GPN2: variants seen among roughly 807,000 people sequenced by gnomAD.
The protein encoded by GPN2 is GPN-loop GTPase 2, also known as ATP-binding domain 1 family member B.
GPN2 carries 27 observed loss-of-function variants against 30.1 expected under a neutral mutation model. The ratio of observed to expected loss-of-function variants is 0.90; its 90% CI spans 0.66 to 1.24. The LOEUF is 1.24. Ranked by LOEUF, GPN2 falls within the 50% of genes most tolerant of loss-of-function variation. GPN2 has a pLI of 0.00. For synonymous variants in GPN2, 212 were observed against 174.4 expected (o/e 1.22, Z -1.70); for missense variants, 406 against 405.4 (o/e 1.00, Z -0.01).
In GPN2 at chr1:26,881,508, G is replaced by A. The variant is rs185087696; in HGVS notation, c.861-1759C>T. ...ATCATAAGTTGGGAACCATCTGTAC[G>A]GTGTACAAAATACTACATTATTTAA... is the stretch of plus-strand genomic sequence containing the variant. On this transcript the variant is annotated intron_variant, in intron 4 of 4. Transcript: ENST00000374135. Among the ~76,000 whole-genome samples, 11 of 152,308 alleles carry A rather than the reference G, an allele frequency of 7.2e-5. 1 individual carries two copies. In the Middle Eastern group the frequency reaches 0.01, roughly 141 times the overall value.
chr1:26,885,839 A>G (rs2081887854), intron 3 of GPN2, 134 bp downstream of exon 3: 1 of 680,854 alleles, frequency 1.5e-6, no homozygotes. Context: ...TCGGCCTCCC[A>G]AAGTGCTAGG....
chr1:26,880,183 T>C (rs2081857379), intron 4 of GPN2, among the ~76,000 whole-genome samples: 1 of 152,216 alleles, frequency 6.6e-6, no homozygotes, highest in South Asian at 2.1e-4. Flanking sequence ...AGGTTTGAAC[T>C]GTTCTTCCAA....
rs1160035064 is a variant in GPN2 at position 26,890,247 on chromosome 1, G to A, written c.-151C>T. The A allele has an allele frequency of 1.5e-5, 10 of 671,710 alleles. No homozygotes were observed. Among genetic ancestry groups the A allele is most frequent in the Admixed American group, 3.1e-5 (1 of 31,758 alleles). The allele number at this position is 671,710 out of a possible 1,614,324, so 41.6% of individuals were successfully genotyped here. On this transcript the variant is annotated 5_prime_UTR_variant, in exon 1 of 5. Transcript: ENST00000374135. ...CAGGCGGAACAGCTGAGACCGTGTCGCGCAAAAGGAGATAACAGGCCGATA... is the reference window on the plus strand; with the variant it reads ...CAGGCGGAACAGCTGAGACCGTGTCACGCAAAAGGAGATAACAGGCCGATA...
chr1:26,884,411 T>C (rs1276415544), intron 3 of GPN2, 121 bp from the exon 4 acceptor site: 1 of 902,562 alleles, frequency 1.1e-6, no homozygotes, highest in Non-Finnish European at 1.6e-6. Context: ...TGGCCTGGAG[T>C]AGTTCTACAT....
Position 26,876,256 on chromosome 1 carries a change from C to A in GPN2, c.*3421G>T, listed in dbSNP as rs2081837363. On this transcript the variant is annotated 3_prime_UTR_variant, in exon 5 of 5. Transcript: ENST00000374135. ...TTGAGATGTACTTTCCATCTTGTTA[C>A]CCAGGCTGGAGTGCAATGGCGCGAT... The A allele has an allele frequency of 1.4e-5, 2 of 145,934 alleles. No individual in the cohort carries two copies. The highest frequency in any genetic ancestry group is 3.0e-5 in the Non-Finnish European group (2 of 66,930). 9.0% of individuals were successfully genotyped at this position (145,934 alleles called of 1,614,324 possible).
In GPN2 at chr1:26,884,187, G is replaced by T. The variant is rs2081878783; in HGVS notation, c.833C>A (p.Ala278Glu). 1.2e-6 allele frequency: 2 copies of T among 1,613,838 alleles called. No individual in the cohort carries two copies. The highest frequency in any genetic ancestry group is 4.5e-5 in the East Asian group (2 of 44,880). ...QRSLEAMMSA[A>E]MGADFHFSST... ...AGAGAAATGGAAGTCGGCTCCCATT[G>T]CGGCAGACATCATGGCTTCCAAGCT... The change falls in exon 4 of 5, where the codon GCA becomes GAA. Residue 278 changes from alanine to glutamate, a missense_variant. Ala to Glu is a moderately radical substitution (Grantham distance 107). Transcript: ENST00000374135.
chr1:26,887,710 C>T (rs191510103), intron 2 of GPN2, among the ~76,000 whole-genome samples: 13 of 151,462 alleles, frequency 8.6e-5, no homozygotes, highest in African/African-American at 2.4e-4. Context: ...TACAGGTGCC[C>T]GCCACCATGC....
chr1:26,882,840 C>T (rs914243314), intron 4 of GPN2, among the ~76,000 whole-genome samples: 3 of 152,238 alleles, frequency 2.0e-5, no homozygotes, highest in Non-Finnish European at 2.9e-5. Flanking sequence ...TCTGCCAGCT[C>T]TTGTCCCTTT....
intron 2 of GPN2, 58 bp from the exon 3 acceptor site, chr1:26,886,191 G>A (rs1365849114): frequency 1.0e-5 from 13 of 1,301,098 alleles, no homozygotes; most frequent in Admixed American, 6.8e-5. Flanking sequence ...ACCTGAGGAC[G>A]AGGTTCCTTT....
chr1:26,889,942 A>G lies in GPN2; in HGVS notation c.155T>C (p.Leu52Pro). ...CACGTCCACGGCACACTCGTACGGCAGCCCCTCGTTGGCCGGGTCCAGGTT... is the reference window on the plus strand; with the variant it reads ...CACGTCCACGGCACACTCGTACGGCGGCCCCTCGTTGGCCGGGTCCAGGTT... ...VVNLDPANEG[L>P]PYECAVDVGE... Residue 52 changes from leucine (L) to proline (P), a missense_variant, in exon 1 of 5, where the codon CTG (leucine) becomes CCG (proline). By Grantham distance (98) the Leu-to-Pro change is moderately conservative. Transcript: ENST00000374135. 1.9e-6 allele frequency: 3 copies of G among 1,608,858 alleles called. No homozygotes were observed. The highest frequency in any genetic ancestry group is 1.1e-5 in the South Asian group (1 of 90,982).
In GPN2 at chr1:26,889,056, T is replaced by C. The variant is rs200805927; in HGVS notation, c.481A>G (p.Thr161Ala). Residue 161 changes from threonine to alanine, a missense_variant, in exon 2 of 5, where the codon ACC (threonine) becomes GCC (alanine). Coordinates refer to ENST00000374135, the MANE Select transcript of GPN2 (RefSeq NM_018066.4). Reference protein sequence around the residue: ...DPAKFISVLCTSLATMLHVEL... With the variant: ...DPAKFISVLCASLATMLHVEL... ...ACGTGCAGCATGGTGGCCAGGGAGG[T>C]ACACAGTACTGAAATGAACTTGGCA... The C allele has an allele frequency of 1.9e-6, 3 of 1,613,788 alleles. No individual in the cohort carries two copies. Among genetic ancestry groups the C allele is most frequent in the Admixed American group, 1.7e-5 (1 of 60,014 alleles).
chr1:26,887,085 G>C (rs139360660), intron 2 of GPN2, among the ~76,000 whole-genome samples: 1 of 151,584 alleles, frequency 6.6e-6, no homozygotes, highest in African/African-American at 2.4e-5. Context: ...AGAGCTCATA[G>C]TCAGGTCATA....
At chr1:26,887,863 A>AT (rs564082048) in intron 2 of GPN2, among the ~76,000 whole-genome samples, 1,337 of 107,496 alleles carry the variant, frequency 0.012, 17 homozygotes, top group African/African-American at 0.043. Context: ...GCCTGGCCTA[A>AT]TTTTTTTTTT....
chr1:26,879,458 G>A lies in GPN2; in HGVS notation c.*219C>T, dbSNP rs2081854079. Reference sequence around the variant, plus strand: ...CAGTGCTCGACTTTCTGGTGGCAGGGCCCAGAGCTCACGGACACCACTGAC... The same window carrying A: ...CAGTGCTCGACTTTCTGGTGGCAGGACCCAGAGCTCACGGACACCACTGAC... On this transcript the variant is annotated 3_prime_UTR_variant, in exon 5 of 5. Transcript: ENST00000374135. 1.8e-6 allele frequency: 1 copy of A among 558,942 alleles called. No homozygotes were observed. The highest frequency in any genetic ancestry group is 2.9e-5 in the East Asian group (1 of 34,342). 34.6% of individuals were successfully genotyped at this position (558,942 alleles called of 1,614,324 possible). A position where few individuals can be genotyped will look rare whatever the true frequency, so the allele number is the denominator to read the frequency against.
intron 2 of GPN2, 137 bp downstream of exon 2, chr1:26,888,832 G>C (rs2081904783): frequency 1.3e-6 from 1 of 772,320 alleles, no homozygotes; most frequent in Non-Finnish European, 2.2e-6. Flanking sequence ...AAAATAAATG[G>C]GCAGGAGTTA....
At chr1:26,882,261 G>A (rs773958690) in intron 4 of GPN2, among the ~76,000 whole-genome samples, 1 of 150,426 alleles carries the variant, frequency 6.6e-6, no homozygotes, top group Admixed American at 6.6e-5. Flanking sequence ...GAGCATGCCT[G>A]TAATCCCAGC....
intron 3 of GPN2, among the ~76,000 whole-genome samples, chr1:26,885,177 A>G (rs1570692800): frequency 6.6e-6 from 1 of 152,182 alleles, no homozygotes; most frequent in Non-Finnish European, 1.5e-5. Flanking sequence ...ATCTCCTCAT[A>G]TCAGAAGAGT....
At chr1:26,888,896 C>A in intron 2 of GPN2, 73 bp downstream of exon 2, 3 of 1,495,110 alleles carry the variant, frequency 2.0e-6, no homozygotes, top group Non-Finnish European at 2.8e-6. Context: ...GAGGCAGCTA[C>A]CTTCAGCTGA....
In GPN2 at chr1:26,888,989, A is replaced by G. The variant is rs149478053; in HGVS notation, c.548T>C (p.Ile183Thr). 68 of 1,614,078 alleles carry G rather than the reference A, an allele frequency of 4.2e-5. No individual in the cohort carries two copies. Among genetic ancestry groups the G allele is most frequent in the Non-Finnish European group, 4.9e-5 (58 of 1,180,028 alleles). Residue 183 changes from isoleucine to threonine, a missense_variant, in exon 2 of 5, where the codon ATT becomes ACT. Physicochemically the swap from Ile to Thr is moderately conservative, Grantham distance 89 (BLOSUM62 -1). Coordinates refer to ENST00000374135, the MANE Select transcript of GPN2 (RefSeq NM_018066.4). ...CTTACCCAGCTTCCCATAATGCTCAATGAGGTCCATCTTGGAAAGGAGGTT... is the reference window on the plus strand; with the variant it reads ...CTTACCCAGCTTCCCATAATGCTCAGTGAGGTCCATCTTGGAAAGGAGGTT... ...HINLLSKMDLIEHYGKLAFNL... is the reference protein window; with the variant it reads ...HINLLSKMDLTEHYGKLAFNL...
Sources: gnomAD v4.1 joint callset for allele counts (sites outside exome capture counted in the v4.1 genomes callset) on GRCh38, gnomAD v4.1.1 for gene constraint, MANE v1.5 for transcripts, NCBI Gene and HGNC (gene_info 2026-07-23, HGNC 2026-07-21) for gene names.